Variants in COL11A1 observed in about 807,000 individuals in gnomAD.
COL11A1 encodes collagen type XI alpha 1 chain, also known as collagen alpha-1(XI) chain.
Under a neutral mutation model 265.2 loss-of-function variants are expected in COL11A1, and 74 were observed. That is an observed-to-expected ratio of 0.28 (90% CI 0.23 to 0.34). The LOEUF (loss-of-function observed/expected upper bound fraction) is 0.34, where lower values mean the gene tolerates loss of function less well. Among genes scored for constraint, COL11A1 ranks in the 10% least tolerant of loss-of-function variants. COL11A1 has a pLI of 1.00. For synonymous variants in COL11A1, 816 were observed against 727.6 expected, an observed-to-expected ratio of 1.12 and a Z score of -1.96; for missense variants, 2,165 against 2,263.6, an observed-to-expected ratio of 0.96 and a Z score of 0.88.
intron 46 of COL11A1, among the ~76,000 whole-genome samples, chr1:102,926,381 G>A (rs1235709037): frequency 6.6e-6 from 1 of 152,130 alleles, no homozygotes; most frequent in African/African-American, 2.4e-5. Flanking sequence ...ATATATGTGT[G>A]TGTGTGTATA....
At position 103,063,133 on chromosome 1, in the gene COL11A1, G is replaced by A. The variant is rs1670804737; in HGVS notation, c.651+11485C>T. 2.0e-5 allele frequency among the ~76,000 whole-genome samples: 3 copies of A among 152,130 alleles called. 1 individual carries two copies. The highest frequency in any genetic ancestry group is 3.9e-4 in the East Asian group (2 of 5,178). On this transcript the variant is annotated intron_variant, in intron 4 of 66. Coordinates refer to ENST00000370096, the MANE Select transcript of COL11A1 (RefSeq NM_001854.4). ...ATGACTCAATACTGTCAAGATGTCAGTTCTCCTCAACTTGATCTATAGATT... is the reference window on the plus strand; with the variant it reads ...ATGACTCAATACTGTCAAGATGTCAATTCTCCTCAACTTGATCTATAGATT...
intron 23 of COL11A1, among the ~76,000 whole-genome samples, 189 bp from the exon 24 acceptor site, chr1:103,002,158 T>C (rs1173807109): frequency 6.6e-6 from 1 of 152,098 alleles, no homozygotes; most frequent in Admixed American, 6.6e-5. Flanking sequence ...GCAAAGGGAC[T>C]ATAATGCGAT....
chr1:102,979,684 GTAT>G (rs1662851827), intron 31 of COL11A1: 1 of 537,074 alleles, frequency 1.9e-6, no homozygotes, highest in African/African-American at 1.9e-5. Context: ...AATTAATCAA[GTAT>G]TATTTCATCT....
In COL11A1 at chr1:102,967,234, T is replaced by TA. The variant is rs1557882270; in HGVS notation, c.2863-1695_2863-1694insT. Among the ~76,000 whole-genome samples the TA allele has an allele frequency of 1.1e-3, 81 of 71,814 alleles. 1 individual carries two copies. The highest frequency in any genetic ancestry group is 3.1e-3 in the South Asian group (5 of 1,614). 47.1% of individuals were successfully genotyped at this position (71,814 alleles called of 152,430 possible). ...AACCAAACATAATAAATTCTTTTTT[T>TA]TTTTTTTTTTTTTTTTTTTTTTTTG... On this transcript the variant is annotated intron_variant, in intron 37 of 66. Transcript: ENST00000370096.
At chr1:103,059,964 T>C (rs917188138) in intron 4 of COL11A1, among the ~76,000 whole-genome samples, 8 of 152,042 alleles carry the variant, frequency 5.3e-5, no homozygotes, top group Admixed American at 4.6e-4. Context: ...GAAGCAATAG[T>C]GACTGAGAAT....
chr1:103,076,889 G>T (rs572027383), intron 3 of COL11A1, among the ~76,000 whole-genome samples: 3 of 152,190 alleles, frequency 2.0e-5, no homozygotes, highest in Non-Finnish European at 4.4e-5. Context: ...TGGAATGAAT[G>T]TTCACTCATG....
chr1:103,003,542 C>T (rs1665327811), intron 20 of COL11A1, among the ~76,000 whole-genome samples: 1 of 151,940 alleles, frequency 6.6e-6, no homozygotes, highest in Non-Finnish European at 1.5e-5. Flanking sequence ...AAATAGGAAA[C>T]AGTTTAATAT....
intron 14 of COL11A1, among the ~76,000 whole-genome samples, chr1:103,010,078 A>G (rs899553637): frequency 6.6e-6 from 1 of 152,194 alleles, no homozygotes; most frequent in African/African-American, 2.4e-5. Context: ...ACAGTCATTG[A>G]CTATAAAATA....
Position 102,971,903 on chromosome 1 carries a change from CA to C in COL11A1, c.2809-1632del, listed in dbSNP as rs1662012879. ...ACTGGAGTGTTTTTAACCAAGGACCCAAAACATTCTTGGATGTCATTTAACC... is the reference window on the plus strand; with the variant it reads ...ACTGGAGTGTTTTTAACCAAGGACCCAAACATTCTTGGATGTCATTTAACC... On this transcript the variant is annotated intron_variant, in intron 36 of 66. Transcript: ENST00000370096. Among the ~76,000 whole-genome samples, 15 of 152,204 alleles carry C rather than the reference CA, an allele frequency of 9.9e-5. 1 individual carries two copies. In the South Asian group the frequency reaches 3.1e-3, roughly 32 times the overall value.
rs1431696534 is a variant in COL11A1, at chr1:102,946,922, G to A, written c.3203C>T (p.Ala1068Val). The change falls in exon 42 of 67, where the codon GCT (alanine) becomes GTT (valine). Residue 1068 changes from alanine (A) to valine (V), a missense_variant. Transcript: ENST00000370096. Reference sequence around the variant, plus strand: ...GCGCCCTGGTAAACCAATTGGGCCAGCTGTACCTGCTGACCCACGTTCTCC... The same window carrying A: ...GCGCCCTGGTAAACCAATTGGGCCAACTGTACCTGCTGACCCACGTTCTCC... ...SPGERGSAGT[A>V]GPIGLPGRPG... 1.2e-6 allele frequency: 2 copies of A among 1,613,012 alleles called. No individual in the cohort carries two copies. Among genetic ancestry groups the A allele is most frequent in the Non-Finnish European group, 1.7e-6 (2 of 1,179,674 alleles).
At chr1:103,055,439 T>C (rs1261841198) in intron 4 of COL11A1, among the ~76,000 whole-genome samples, 1 of 152,226 alleles carries the variant, frequency 6.6e-6, no homozygotes, top group Non-Finnish European at 1.5e-5. Flanking sequence ...AAAATCCAGA[T>C]AGAAAACATA....
intron 64 of COL11A1, among the ~76,000 whole-genome samples, chr1:102,882,196 T>C (rs1650336259): frequency 6.6e-6 from 1 of 152,156 alleles, no homozygotes; most frequent in Non-Finnish European, 1.5e-5. Context: ...GCTAAGGAGA[T>C]ATACTGTGTG....
At chr1:103,102,092 A>G (rs1317395821) in intron 1 of COL11A1, among the ~76,000 whole-genome samples, 1 of 152,060 alleles carries the variant, frequency 6.6e-6, no homozygotes, top group Non-Finnish European at 1.5e-5. Context: ...GCTACAAGCT[A>G]GTATTATTCA....
intron 25 of COL11A1, among the ~76,000 whole-genome samples, chr1:102,997,683 A>G (rs1053360342): frequency 6.6e-6 from 1 of 152,008 alleles, no homozygotes; most frequent in Non-Finnish European, 1.5e-5. Flanking sequence ...GTACTACAAA[A>G]TCTGCATATG....
chr1:102,929,359 C>T (rs933373112), intron 46 of COL11A1, among the ~76,000 whole-genome samples: 14 of 152,046 alleles, frequency 9.2e-5, no homozygotes, highest in South Asian at 6.2e-4. Context: ...ATCCTTTCCC[C>T]ATTGTTTGTT....
chr1:103,052,943 T>C lies in COL11A1; in HGVS notation c.651+21675A>G, dbSNP rs190029016. Among the ~76,000 whole-genome samples the C allele has an allele frequency of 1.7e-3, 259 of 152,252 alleles. 2 individuals carry two copies. The highest frequency in any genetic ancestry group is 3.5e-3 in the Non-Finnish European group (237 of 68,002). On this transcript the variant is annotated intron_variant, in intron 4 of 66. Transcript: ENST00000370096. ...CCTGGTAATTACAGACAAACAAGAA[T>C]GCAAATGTAAGATGATTTCTTCTTT...
chr1:103,068,183 A>G (rs1199783304), intron 4 of COL11A1, among the ~76,000 whole-genome samples: 1 of 151,696 alleles, frequency 6.6e-6, no homozygotes, highest in East Asian at 1.9e-4. Flanking sequence ...ATAGACTAAA[A>G]CTTTTTAAAG....
chr1:103,030,103 A>G (rs1285319761), intron 5 of COL11A1, among the ~76,000 whole-genome samples: 4 of 152,086 alleles, frequency 2.6e-5, no homozygotes, highest in Admixed American at 6.6e-5. Flanking sequence ...CACAGAAAAC[A>G]TATTTGGTGA....
intron 31 of COL11A1, among the ~76,000 whole-genome samples, chr1:102,979,894 GTA>G (rs1379236757): frequency 6.6e-6 from 1 of 152,126 alleles, no homozygotes; most frequent in Non-Finnish European, 1.5e-5. Flanking sequence ...TTTGAGTTGA[GTA>G]TTTTTACACT....
Sources: allele counts gnomAD v4.1 joint callset (sites outside exome capture counted in the v4.1 genomes callset), GRCh38; gene constraint gnomAD v4.1.1; transcripts MANE v1.5; gene names NCBI Gene and HGNC (gene_info 2026-07-23, HGNC 2026-07-21).